CAPZB: variants seen among roughly 807,000 people sequenced by gnomAD.
CAPZB encodes the protein capping actin protein of muscle Z-line subunit beta.
A neutral mutation model predicts 38.1 loss-of-function variants in CAPZB; 2 were observed. The observed-to-expected ratio is 0.05, with a 90% CI of 0.02 to 0.17. The LOEUF (loss-of-function observed/expected upper bound fraction) is 0.17, where lower values mean the gene tolerates loss of function less well. Among genes scored for constraint, CAPZB ranks in the 10% least tolerant of loss-of-function variants. The pLI is 1.00. For synonymous variants in CAPZB, 107 were observed against 127.4 expected, an observed-to-expected ratio of 0.84 and a Z score of 1.08; for missense variants, 161 against 334.2, an observed-to-expected ratio of 0.48 and a Z score of 4.04.
chr1:19,456,207 C>T (rs2094532636), intron 1 of CAPZB, among the ~76,000 whole-genome samples: 1 of 152,186 alleles, frequency 6.6e-6, no homozygotes, highest in Non-Finnish European at 1.5e-5. Flanking sequence ...CCACCAGGCC[C>T]GGTCCACAAG....
intron 1 of CAPZB, among the ~76,000 whole-genome samples, chr1:19,464,653 T>G (rs1205673719): frequency 6.6e-6 from 1 of 152,076 alleles, no homozygotes; most frequent in Non-Finnish European, 1.5e-5. Flanking sequence ...GCAACCCAAA[T>G]GTTCATCAAC....
chr1:19,472,233 G>A (rs2094591153), intron 1 of CAPZB, among the ~76,000 whole-genome samples: 1 of 152,162 alleles, frequency 6.6e-6, no homozygotes, highest in Non-Finnish European at 1.5e-5. Flanking sequence ...AGTAAGAGAG[G>A]TTGTCATGAA....
At chr1:19,482,101 C>T (rs1048867974) in intron 1 of CAPZB, among the ~76,000 whole-genome samples, 2 of 152,232 alleles carry the variant, frequency 1.3e-5, no homozygotes, top group Non-Finnish European at 2.9e-5. Flanking sequence ...GCCCTGCCAC[C>T]ATTTCCCTGT....
intron 1 of CAPZB, among the ~76,000 whole-genome samples, chr1:19,427,042 T>C (rs2094425471): frequency 2.0e-5 from 3 of 152,132 alleles, no homozygotes; most frequent in Admixed American, 2.0e-4. Context: ...TTACTGGAAA[T>C]GGGAAGAAGC....
chr1:19,406,661 C>A (rs2094333990), intron 2 of CAPZB, among the ~76,000 whole-genome samples: 1 of 152,132 alleles, frequency 6.6e-6, no homozygotes, highest in Middle Eastern at 3.2e-3. Flanking sequence ...AGGCTTGGAC[C>A]AACTCATGAA....
At chr1:19,457,880 GA>G (rs1220030102) in intron 1 of CAPZB, among the ~76,000 whole-genome samples, 1 of 152,032 alleles carries the variant, frequency 6.6e-6, no homozygotes, top group Non-Finnish European at 1.5e-5. Context: ...ACAACAACTG[GA>G]AAAAACCTAA....
intron 4 of CAPZB, among the ~76,000 whole-genome samples, chr1:19,375,560 G>C (rs906224752): frequency 1.3e-5 from 2 of 152,234 alleles, no homozygotes; most frequent in Admixed American, 6.5e-5. Flanking sequence ...CGGGGTCTGG[G>C]TTATCCAGTT....
At chr1:19,478,049 C>T (rs1379764969) in intron 1 of CAPZB, among the ~76,000 whole-genome samples, 1 of 152,214 alleles carries the variant, frequency 6.6e-6, no homozygotes, top group African/African-American at 2.4e-5. Flanking sequence ...CTGCACAGAG[C>T]AATTGAAGCA....
chr1:19,459,929 T>C (rs1239757313), intron 1 of CAPZB, among the ~76,000 whole-genome samples: 1 of 152,154 alleles, frequency 6.6e-6, no homozygotes, highest in Non-Finnish European at 1.5e-5. Context: ...GTTGCAGTCC[T>C]TGTGTTCAAG....
intron 1 of CAPZB, among the ~76,000 whole-genome samples, chr1:19,432,757 C>T (rs763752509): frequency 1.3e-5 from 2 of 152,218 alleles, no homozygotes; most frequent in Non-Finnish European, 2.9e-5. Context: ...AAGGACATAA[C>T]ACAGGTCCCC....
chr1:19,453,817 GTGAACAATTAC>G (rs1417661547), intron 1 of CAPZB, among the ~76,000 whole-genome samples: 2 of 152,222 alleles, frequency 1.3e-5, no homozygotes, highest in Non-Finnish European at 2.9e-5. Context: ...TATGTGAATA[GTGAACAATTAC>G]TGAGCCCTTG....
chr1:19,455,958 G>C (rs978934557), intron 1 of CAPZB, among the ~76,000 whole-genome samples: 2 of 152,224 alleles, frequency 1.3e-5, no homozygotes, highest in African/African-American at 4.8e-5. Flanking sequence ...CTGTTGCCCA[G>C]GGTGGAGTGC....
At chr1:19,415,266 G>C (rs1216391079) in intron 2 of CAPZB, among the ~76,000 whole-genome samples, 1 of 152,218 alleles carries the variant, frequency 6.6e-6, no homozygotes, top group Non-Finnish European at 1.5e-5. Context: ...TGAGCAGGGA[G>C]GAATGACTGC....
chr1:19,340,936 C>T (rs989303593), intron 8 of CAPZB, among the ~76,000 whole-genome samples: 5 of 152,140 alleles, frequency 3.3e-5, no homozygotes, highest in African/African-American at 1.2e-4. Flanking sequence ...GTTTGATTCA[C>T]ACCAGCCATG....
rs754106238 is a variant in CAPZB, at chr1:19,354,407, ATTTGT to A, written c.588+2223_588+2227del. 3.3e-5 allele frequency among the ~76,000 whole-genome samples: 5 copies of A among 152,206 alleles called. No individual in the cohort carries two copies. The East Asian group carries it at 9.7e-4, about 29-fold the overall frequency. On this transcript the variant is annotated intron_variant, in intron 6 of 8. Coordinates refer to ENST00000264202, the MANE Select transcript of CAPZB (RefSeq NM_004930.5). ...CAGAAGCTGTGCATCATTAACTTAG[ATTTGT>A]CTACCTCATTGCAATCCCTCCCCCT...
In CAPZB at chr1:19,355,031, C is replaced by T. The variant is rs563145081; in HGVS notation, c.588+1604G>A. Among the ~76,000 whole-genome samples, 173 of 152,174 alleles carry T rather than the reference C, an allele frequency of 1.1e-3. 2 individuals carry two copies. The highest frequency in any genetic ancestry group is 1.0e-3 in the Non-Finnish European group (69 of 68,030). On this transcript the variant is annotated intron_variant, in intron 6 of 8. Transcript: ENST00000264202. ...CCTGCCCAGAGGCCAAAAAGAGGAC[C>T]GCAACATCCCTTCTGGCCTCCAGCC...
chr1:19,455,258 G>A (rs77236870), intron 1 of CAPZB, among the ~76,000 whole-genome samples: 2,447 of 152,334 alleles, frequency 0.016, 36 homozygotes, highest in Middle Eastern at 0.037. Context: ...GGTGAATAAG[G>A]TGGAGTATGG....
intron 1 of CAPZB, among the ~76,000 whole-genome samples, chr1:19,466,621 A>C (rs2094569999): frequency 6.6e-6 from 1 of 152,164 alleles, no homozygotes; most frequent in South Asian, 2.1e-4. Flanking sequence ...GATCGGGAAT[A>C]GTTCAACATC....
chr1:19,484,774 G>C (rs1228335108), intron 1 of CAPZB: 1 of 978,224 alleles, frequency 1.0e-6, no homozygotes, highest in African/African-American at 1.7e-5. Flanking sequence ...GAAAAGTCCA[G>C]GGAAGGGGAT....
Sources: allele counts gnomAD v4.1 joint callset (sites outside exome capture counted in the v4.1 genomes callset), GRCh38; gene constraint gnomAD v4.1.1; transcripts MANE v1.5; gene names NCBI Gene and HGNC (gene_info 2026-07-23, HGNC 2026-07-21).